SCHIP1: variants seen among roughly 807,000 people sequenced by gnomAD.
SCHIP1 encodes schwannomin interacting protein 1.
SCHIP1 carries 8 observed loss-of-function variants against 29.7 expected under a neutral mutation model. The ratio of observed to expected loss-of-function variants is 0.27; its 90% CI spans 0.16 to 0.49. SCHIP1 has a LOEUF of 0.49. Ranked by LOEUF, SCHIP1 falls within the 20% of genes least tolerant of loss-of-function variation. The pLI, the probability that SCHIP1 is intolerant of heterozygous loss-of-function variation, is 0.99. For missense variants in SCHIP1, 193 were observed against 294.6 expected, an observed-to-expected ratio of 0.66 and a Z score of 2.52; for synonymous variants, 76 against 94.9, an observed-to-expected ratio of 0.80 and a Z score of 1.16.
the SCHIP1 span, among the ~76,000 whole-genome samples, chr3:159,408,959 C>G: frequency 6.6e-5 from 10 of 152,160 alleles, no homozygotes; most frequent in Middle Eastern, 3.4e-3. Flanking sequence ...GGGATTTATC[C>G]CAGAGATGCA....
At chr3:159,391,735 A>G in the SCHIP1 span, among the ~76,000 whole-genome samples, 2 of 152,166 alleles carry the variant, frequency 1.3e-5, no homozygotes, top group Non-Finnish European at 2.9e-5. Flanking sequence ...TTCTTTGCCT[A>G]CTTACCCCCA....
the SCHIP1 span, among the ~76,000 whole-genome samples, chr3:159,481,010 C>CA: frequency 6.6e-6 from 1 of 152,078 alleles, no homozygotes; most frequent in Non-Finnish European, 1.5e-5. Flanking sequence ...ACAAGGTGCT[C>CA]AGTCAGGGAG....
chr3:159,397,216 A>C, the SCHIP1 span, among the ~76,000 whole-genome samples: 1 of 151,768 alleles, frequency 6.6e-6, no homozygotes, highest in South Asian at 2.1e-4. Flanking sequence ...CTAGTTATAC[A>C]TTCTTCTAAT....
chr3:159,315,165 A>G, the SCHIP1 span, among the ~76,000 whole-genome samples: 5 of 150,004 alleles, frequency 3.3e-5, no homozygotes, highest in Admixed American at 6.7e-5. Flanking sequence ...CCTTGTCAAC[A>G]CTTGGTACTA....
chr3:159,452,855 C>T, the SCHIP1 span, among the ~76,000 whole-genome samples: 8 of 152,096 alleles, frequency 5.3e-5, no homozygotes, highest in Non-Finnish European at 1.0e-4. Flanking sequence ...CAGATCTTCT[C>T]CACAGCCAAT....
the SCHIP1 span, among the ~76,000 whole-genome samples, chr3:159,599,327 G>T: frequency 6.6e-6 from 1 of 152,116 alleles, no homozygotes; most frequent in Non-Finnish European, 1.5e-5. Flanking sequence ...TTCTTTAGTG[G>T]TGATTTCTGA....
the SCHIP1 span, among the ~76,000 whole-genome samples, chr3:159,280,048 T>C: frequency 6.6e-6 from 1 of 152,182 alleles, no homozygotes; most frequent in East Asian, 1.9e-4. Flanking sequence ...TCTTCTATAA[T>C]GGGGGGTAGA....
At chr3:159,893,102 A>G (rs1378635794) in intron 6 of SCHIP1, 1 of 152,208 alleles carries the variant, frequency 6.6e-6, no homozygotes, top group Non-Finnish European at 1.5e-5. Context: ...CCCAGCACCT[A>G]CCATAGACCT....
the SCHIP1 span, among the ~76,000 whole-genome samples, chr3:159,748,028 TTA>T: frequency 2.0e-5 from 3 of 152,326 alleles, no homozygotes; most frequent in African/African-American, 7.2e-5. Flanking sequence ...GCCATACATT[TTA>T]TGTCCATTTT....
At chr3:159,535,380 C>T in the SCHIP1 span, among the ~76,000 whole-genome samples, 2 of 152,158 alleles carry the variant, frequency 1.3e-5, no homozygotes, top group Non-Finnish European at 2.9e-5. Context: ...ACTGGGTCAG[C>T]TTGACTCCTG....
chr3:159,878,200 G>A (rs1336370328), intron 2 of SCHIP1, among the ~76,000 whole-genome samples: 9 of 152,206 alleles, frequency 5.9e-5, no homozygotes, highest in East Asian at 3.8e-4. Flanking sequence ...TGCCAAGGCC[G>A]GGCGCAGTGA....
the SCHIP1 span, among the ~76,000 whole-genome samples, chr3:159,463,279 TTTG>T: frequency 5.1e-4 from 77 of 152,246 alleles, no homozygotes; most frequent in African/African-American, 1.8e-3. Flanking sequence ...TTGCAGAGCT[TTTG>T]GGAAAGATAT....
chr3:159,648,748 C>A, the SCHIP1 span, among the ~76,000 whole-genome samples: 1 of 151,948 alleles, frequency 6.6e-6, no homozygotes, highest in Non-Finnish European at 1.5e-5. Context: ...AGGAACATAC[C>A]AGCAGCCTGG....
chr3:159,427,295 A>G, the SCHIP1 span, among the ~76,000 whole-genome samples: 1 of 151,710 alleles, frequency 6.6e-6, no homozygotes, highest in South Asian at 2.1e-4. Context: ...GTATATATAG[A>G]AAACCCCATT....
the SCHIP1 span, among the ~76,000 whole-genome samples, chr3:159,382,933 T>C: frequency 1.3e-3 from 199 of 150,360 alleles, 2 homozygotes; most frequent in South Asian, 0.025. Context: ...TCATGTCCTT[T>C]GCCCACTTTT....
the SCHIP1 span, among the ~76,000 whole-genome samples, chr3:159,565,159 C>T: frequency 6.6e-6 from 1 of 152,148 alleles, no homozygotes; most frequent in Non-Finnish European, 1.5e-5. Flanking sequence ...ACACCTGACT[C>T]CCAGTGCTCA....
At chr3:159,342,276 T>C in the SCHIP1 span, among the ~76,000 whole-genome samples, 1 of 152,196 alleles carries the variant, frequency 6.6e-6, no homozygotes, top group Admixed American at 6.6e-5. Flanking sequence ...AACACGTTAA[T>C]TTTGTAATTT....
chr3:159,408,249 G>A, the SCHIP1 span, among the ~76,000 whole-genome samples: 4 of 150,992 alleles, frequency 2.6e-5, no homozygotes, highest in African/African-American at 4.9e-5. Flanking sequence ...AGTGAGCCGA[G>A]ATCACACCAC....
chr3:159,279,601 C>G, the SCHIP1 span, among the ~76,000 whole-genome samples: 1 of 152,242 alleles, frequency 6.6e-6, no homozygotes, highest in East Asian at 1.9e-4. Flanking sequence ...ACCCACAGTT[C>G]CTGTTGCTGT....
Sources: allele counts gnomAD v4.1 joint callset (sites outside exome capture counted in the v4.1 genomes callset), GRCh38; gene constraint gnomAD v4.1.1; transcripts MANE v1.5; gene names NCBI Gene and HGNC (gene_info 2026-07-23, HGNC 2026-07-21).